The following BCAT1 variants were observed in gnomAD, a reference collection of about 807,000 sequenced individuals.
The protein encoded by BCAT1 is branched-chain-amino-acid aminotransferase, cytosolic.
A neutral mutation model predicts 52.4 loss-of-function variants in BCAT1; 48 were observed. That is an observed-to-expected ratio of 0.92 (90% CI 0.73 to 1.16). The LOEUF is 1.16. Ranked by LOEUF, BCAT1 falls within the 50% of genes most tolerant of loss-of-function variation. The pLI is 0.00. For synonymous variants in BCAT1, 167 were observed against 161.3 expected (o/e 1.04, Z -0.27); for missense variants, 451 against 457.1 (o/e 0.99, Z 0.12).
chr12:24,873,180 CTAGTAAAGTGAAAACT>C (rs1191134515), intron 5 of BCAT1, among the ~76,000 whole-genome samples: 1 of 152,114 alleles, frequency 6.6e-6, no homozygotes, highest in Non-Finnish European at 1.5e-5. Context: ...AGTTTCTTGT[CTAGTAAAGTGAAAACT>C]TAGAAATCAT....
chr12:24,834,524 G>A, intron 8 of BCAT1: 1 of 975,716 alleles, frequency 1.0e-6, no homozygotes, highest in Non-Finnish European at 1.2e-6. Context: ...TAAAAATAGA[G>A]AGGTTTAAAA....
intron 5 of BCAT1, among the ~76,000 whole-genome samples, chr12:24,865,621 G>A (rs1051238825): frequency 6.6e-6 from 1 of 150,578 alleles, no homozygotes; most frequent in Admixed American, 6.6e-5. Flanking sequence ...GTGTGTGTAT[G>A]TATATGTGTA....
Position 24,836,565 on chromosome 12 carries a change from G to A in BCAT1, c.849C>T (p.Gly283=). ...GCCTTGTCACTCCTGGAAGAATGAT[G>A]CCATCTAGTGGAGGAGTTGCCAGTT... is the stretch of plus-strand genomic sequence containing the variant. The part of the protein sequence containing the change: ...EEELATPPLD[G]IILPGVTRRC... The change falls in exon 8 of 11, where the codon GGC becomes GGT. Residue 283 remains glycine (G), a synonymous_variant. Coordinates refer to ENST00000261192, the MANE Select transcript of BCAT1 (RefSeq NM_005504.7). The A allele has an allele frequency of 1.9e-6, 3 of 1,612,890 alleles. No individual in the cohort carries two copies. In the South Asian group the frequency reaches 3.3e-5, roughly 18 times the overall value.
At chr12:24,935,989 G>A (rs1257189179) in intron 1 of BCAT1, among the ~76,000 whole-genome samples, 1 of 152,064 alleles carries the variant, frequency 6.6e-6, no homozygotes, top group African/African-American at 2.4e-5. Context: ...TCACTTCCAA[G>A]TCCTCACCAG....
Position 24,813,367 on chromosome 12 carries a change from T to A in BCAT1, c.*4641A>T, listed in dbSNP as rs1939758008. On this transcript the variant is annotated 3_prime_UTR_variant, in exon 11 of 11. Coordinates refer to ENST00000261192, the MANE Select transcript of BCAT1 (RefSeq NM_005504.7). ...TAAGACCTCATACTGTGCAAAATCA[T>A]GGTTATATGAAAGTTATTTTCTGAA... The A allele has an allele frequency of 6.6e-6, 1 of 152,064 alleles. No individual in the cohort carries two copies. The highest frequency in any genetic ancestry group is 1.5e-5 in the Non-Finnish European group (1 of 67,904). 9.4% of individuals were successfully genotyped at this position (152,064 alleles called of 1,614,324 possible).
intron 5 of BCAT1, among the ~76,000 whole-genome samples, chr12:24,858,400 A>G (rs1231677122): frequency 6.6e-6 from 1 of 152,264 alleles, no homozygotes; most frequent in Non-Finnish European, 1.5e-5. Flanking sequence ...TATTGGTAAA[A>G]TAAAAATGTC....
chr12:24,921,079 G>A (rs534491675), intron 1 of BCAT1, among the ~76,000 whole-genome samples: 25 of 152,026 alleles, frequency 1.6e-4, no homozygotes, highest in Admixed American at 4.6e-4. Context: ...GGAGGCTCAC[G>A]GGAAGGTAAA....
At chr12:24,942,964 T>G (rs1223515349) in intron 1 of BCAT1, among the ~76,000 whole-genome samples, 1 of 152,202 alleles carries the variant, frequency 6.6e-6, no homozygotes, top group Admixed American at 6.5e-5. Flanking sequence ...TTTTCAATAT[T>G]CAAATGGCAG....
chr12:24,927,956 T>C (rs1943617804), intron 1 of BCAT1, among the ~76,000 whole-genome samples: 1 of 152,206 alleles, frequency 6.6e-6, no homozygotes, highest in Non-Finnish European at 1.5e-5. Context: ...TAGGAAAATC[T>C]TGCTGCAAGT....
intron 1 of BCAT1, among the ~76,000 whole-genome samples, chr12:24,934,851 C>T (rs1407446261): frequency 6.6e-6 from 1 of 152,224 alleles, no homozygotes; most frequent in African/African-American, 2.4e-5. Flanking sequence ...ATTTTTCCTC[C>T]TTGGCTATCA....
intron 3 of BCAT1, among the ~76,000 whole-genome samples, chr12:24,892,175 G>C (rs972433679): frequency 6.6e-6 from 1 of 151,976 alleles, no homozygotes; most frequent in Non-Finnish European, 1.5e-5. Context: ...TCAGGATGGA[G>C]TCACTCTGGT....
At position 24,814,674 on chromosome 12, in the gene BCAT1, T is replaced by A. The variant is rs7296995; in HGVS notation, c.*3334A>T. On this transcript the variant is annotated 3_prime_UTR_variant, in exon 11 of 11. Coordinates refer to ENST00000261192, the MANE Select transcript of BCAT1 (RefSeq NM_005504.7). ...ATTTTATGAAGCAACAAAACTAATATGGTGAAGAATTTTAACCCAAGGTGT... is the reference window on the plus strand; with the variant it reads ...ATTTTATGAAGCAACAAAACTAATAAGGTGAAGAATTTTAACCCAAGGTGT... The A allele has an allele frequency of 4.6e-5, 7 of 151,868 alleles. No individual in the cohort carries two copies. Among genetic ancestry groups the A allele is most frequent in the African/African-American group, 1.7e-4 (7 of 41,350 alleles). The allele number at this position is 151,868 out of a possible 1,614,324, so 9.4% of individuals were successfully genotyped here. A position where few individuals can be genotyped will look rare whatever the true frequency, so the allele number is the denominator to read the frequency against.
intron 1 of BCAT1, among the ~76,000 whole-genome samples, chr12:24,906,627 C>G (rs145292040): frequency 1.3e-5 from 2 of 152,170 alleles, no homozygotes; most frequent in Non-Finnish European, 2.9e-5. Context: ...GTCAGCCATG[C>G]AGAATAGGTG....
Position 24,817,383 on chromosome 12 carries a change from A to G in BCAT1, c.*625T>C, listed in dbSNP as rs1939916895. On this transcript the variant is annotated 3_prime_UTR_variant, in exon 11 of 11. Coordinates refer to ENST00000261192, the MANE Select transcript of BCAT1 (RefSeq NM_005504.7). Reference sequence around the variant, plus strand: ...CGCCTGACAGCCAGCCAGCTACAACATAATGTGGAAAGGACAATGGTGGGA... The same window carrying G: ...CGCCTGACAGCCAGCCAGCTACAACGTAATGTGGAAAGGACAATGGTGGGA... 6.5e-6 allele frequency: 1 copy of G among 152,934 alleles called. No individual in the cohort carries two copies. Among genetic ancestry groups the G allele is most frequent in the Non-Finnish European group, 1.5e-5 (1 of 68,368 alleles). The allele number at this position is 152,934 out of a possible 1,614,324, so 9.5% of individuals were successfully genotyped here. A position where few individuals can be genotyped will look rare whatever the true frequency, so the allele number is the denominator to read the frequency against.
At chr12:24,930,481 C>A (rs1201508447) in intron 1 of BCAT1, among the ~76,000 whole-genome samples, 1 of 152,216 alleles carries the variant, frequency 6.6e-6, no homozygotes, top group Non-Finnish European at 1.5e-5. Flanking sequence ...ACCAGCCAGC[C>A]TTGACTGTCC....
intron 5 of BCAT1, among the ~76,000 whole-genome samples, chr12:24,857,340 T>A (rs1941718963): frequency 2.0e-5 from 3 of 152,224 alleles, no homozygotes. Flanking sequence ...ATAACCTTAG[T>A]TAAGGCTTAT....
At chr12:24,842,688 A>G (rs1337627543) in intron 6 of BCAT1, among the ~76,000 whole-genome samples, 1 of 152,176 alleles carries the variant, frequency 6.6e-6, no homozygotes, top group Non-Finnish European at 1.5e-5. Context: ...AGCAAGTGTG[A>G]GCGCTCTTAT....
At chr12:24,854,509 T>G (rs913465213) in intron 5 of BCAT1, among the ~76,000 whole-genome samples, 80 of 152,248 alleles carry the variant, frequency 5.3e-4, no homozygotes, top group African/African-American at 1.8e-3. Flanking sequence ...TAAGGGGTGC[T>G]TCAAGGGAGA....
At chr12:24,926,438 C>T (rs1467832596) in intron 1 of BCAT1, among the ~76,000 whole-genome samples, 12 of 151,980 alleles carry the variant, frequency 7.9e-5, no homozygotes, top group African/African-American at 2.2e-4. Flanking sequence ...TCTGCCCGGC[C>T]GCCACCCCGT....
Sources: gnomAD v4.1 joint callset for allele counts (sites outside exome capture counted in the v4.1 genomes callset) on GRCh38, gnomAD v4.1.1 for gene constraint, MANE v1.5 for transcripts, NCBI Gene and HGNC (gene_info 2026-07-23, HGNC 2026-07-21) for gene names.